JAZF1: variants seen among roughly 807,000 people sequenced by gnomAD.
JAZF1 encodes JAZF zinc finger 1.
JAZF1 carries 8 observed loss-of-function variants against 26.4 expected under a neutral mutation model. That is an observed-to-expected ratio of 0.30 (90% CI 0.18 to 0.55). JAZF1 has a LOEUF of 0.55. Among genes scored for constraint, JAZF1 ranks in the 20% least tolerant of loss-of-function variants. The pLI, the probability that JAZF1 is intolerant of heterozygous loss-of-function variation, is 0.94. For missense variants in JAZF1, 199 were observed against 322.0 expected (o/e 0.62, Z 2.92); for synonymous variants, 126 against 122.3 (o/e 1.03, Z -0.20).
rs570558560 is a variant in JAZF1 at position 27,993,804 on chromosome 7, G to A, written c.116-1823C>T. ...CAAGTTTAGGTACTGACGATCAAAG[G>A]GCTTTGCTTTTGAGACTCAAAGAGA... On this transcript the variant is annotated intron_variant, in intron 1 of 4. Transcript: ENST00000283928. Among the ~76,000 whole-genome samples the A allele has an allele frequency of 1.6e-3, 243 of 152,250 alleles. 1 individual carries two copies. The highest frequency in any genetic ancestry group is 5.4e-3 in the African/African-American group (226 of 41,550).
chr7:27,962,385 T>A (rs2128357489), intron 2 of JAZF1, among the ~76,000 whole-genome samples: 1 of 152,300 alleles, frequency 6.6e-6, no homozygotes, highest in East Asian at 1.9e-4. Context: ...GCCTCACAGT[T>A]CATATGCATC....
At chr7:28,000,792 T>C (rs1028570991) in intron 1 of JAZF1, among the ~76,000 whole-genome samples, 1 of 151,928 alleles carries the variant, frequency 6.6e-6, no homozygotes, top group African/African-American at 2.4e-5. Flanking sequence ...CTAATTTTTG[T>C]GTTTTTAGTA....
intron 3 of JAZF1, among the ~76,000 whole-genome samples, chr7:27,867,053 C>T (rs1362031183): frequency 6.6e-6 from 1 of 152,186 alleles, no homozygotes; most frequent in East Asian, 1.9e-4. Context: ...TGTGTCTGCA[C>T]TGCGGCAGCC....
At chr7:27,964,675 C>T (rs1406766845) in intron 2 of JAZF1, among the ~76,000 whole-genome samples, 5 of 150,502 alleles carry the variant, frequency 3.3e-5, no homozygotes, top group African/African-American at 9.8e-5. Context: ...CAGTATATTA[C>T]GTTTTTAAAA....
At chr7:27,911,761 G>C (rs1784363396) in intron 2 of JAZF1, among the ~76,000 whole-genome samples, 1 of 152,096 alleles carries the variant, frequency 6.6e-6, no homozygotes, top group Non-Finnish European at 1.5e-5. Flanking sequence ...CTAGATTTGG[G>C]AGTCATCCAC....
chr7:27,876,864 C>T (rs1783688726), intron 3 of JAZF1, among the ~76,000 whole-genome samples: 1 of 152,178 alleles, frequency 6.6e-6, no homozygotes, highest in Admixed American at 6.5e-5. Flanking sequence ...TGGGTTTCCA[C>T]AATGAGCGCT....
chr7:28,167,562 G>A (rs1010813213), intron 1 of JAZF1, among the ~76,000 whole-genome samples: 3 of 152,148 alleles, frequency 2.0e-5, no homozygotes, highest in Non-Finnish European at 4.4e-5. Context: ...AATTTTCATC[G>A]ACAGAATTAG....
intron 1 of JAZF1, among the ~76,000 whole-genome samples, chr7:28,087,896 T>A (rs1004069255): frequency 2.6e-5 from 4 of 152,234 alleles, no homozygotes; most frequent in African/African-American, 9.6e-5. Context: ...TATTCTTGTA[T>A]ATTTTCTTTC....
At chr7:27,911,485 G>T (rs1583460097) in intron 2 of JAZF1, among the ~76,000 whole-genome samples, 1 of 152,150 alleles carries the variant, frequency 6.6e-6, no homozygotes, top group Non-Finnish European at 1.5e-5. Flanking sequence ...GTTCAATACA[G>T]TAGCCATTAG....
intron 3 of JAZF1, among the ~76,000 whole-genome samples, chr7:27,872,934 A>G (rs1783611161): frequency 6.6e-6 from 1 of 152,204 alleles, no homozygotes; most frequent in South Asian, 2.1e-4. Flanking sequence ...GCTATGAACC[A>G]GTAGTCAATA....
At position 28,118,599 on chromosome 7, in the gene JAZF1, G is replaced by A. The variant is rs1445940299; in HGVS notation, c.115+61864C>T. On this transcript the variant is annotated intron_variant, in intron 1 of 4. Coordinates refer to ENST00000283928, the MANE Select transcript of JAZF1 (RefSeq NM_175061.4). ...ACTGGAATTTTTAAAGTAAAAATGT[G>A]AAAGCTACAGTATTCTATGGCAAAT... Among the ~76,000 whole-genome samples, 3 of 152,158 alleles carry A rather than the reference G, an allele frequency of 2.0e-5. No homozygotes were observed. In the East Asian group the frequency reaches 5.8e-4, roughly 29 times the overall value.
chr7:28,138,988 G>C (rs1583580896), intron 1 of JAZF1, among the ~76,000 whole-genome samples: 1 of 140,310 alleles, frequency 7.1e-6, no homozygotes, highest in East Asian at 1.9e-4. Context: ...AATTAATTAG[G>C]TCAAGGTAGA....
At chr7:27,992,321 C>G (rs1265437235) in intron 1 of JAZF1, 19 of 429,028 alleles carry the variant, frequency 4.4e-5, no homozygotes, top group South Asian at 3.5e-4. Context: ...GAAAGAAAGT[C>G]TCTGTTAATT....
At chr7:28,031,390 G>A (rs1344981356) in intron 1 of JAZF1, among the ~76,000 whole-genome samples, 1 of 152,104 alleles carries the variant, frequency 6.6e-6, no homozygotes, top group Non-Finnish European at 1.5e-5. Flanking sequence ...TTGAGTGGAC[G>A]ATGGGGAGAA....
At chr7:28,101,107 T>A (rs1405066512) in intron 1 of JAZF1, among the ~76,000 whole-genome samples, 21 of 152,234 alleles carry the variant, frequency 1.4e-4, no homozygotes, top group Admixed American at 1.4e-3. Context: ...CTTAATGACA[T>A]AAGCATTCCT....
chr7:28,057,734 G>A (rs1783734953), intron 1 of JAZF1, among the ~76,000 whole-genome samples: 1 of 152,118 alleles, frequency 6.6e-6, no homozygotes, highest in Non-Finnish European at 1.5e-5. Context: ...GATTTAAAAT[G>A]TATTGGCCCC....
chr7:28,077,809 C>G (rs1784075128), intron 1 of JAZF1, among the ~76,000 whole-genome samples: 1 of 152,172 alleles, frequency 6.6e-6, no homozygotes, highest in Non-Finnish European at 1.5e-5. Flanking sequence ...ACTTAAAGAG[C>G]TGGAGCTCTG....
At chr7:27,968,810 G>A (rs983299382) in intron 2 of JAZF1, among the ~76,000 whole-genome samples, 1 of 151,890 alleles carries the variant, frequency 6.6e-6, no homozygotes, top group African/African-American at 2.4e-5. Flanking sequence ...TGAACATAAT[G>A]ATAAAATGGG....
intron 1 of JAZF1, among the ~76,000 whole-genome samples, chr7:28,058,732 T>A (rs1239499697): frequency 6.6e-6 from 1 of 152,256 alleles, no homozygotes; most frequent in African/African-American, 2.4e-5. Context: ...CTTTGTCCTG[T>A]GACTTACGTG....
Sources: allele counts gnomAD v4.1 joint callset (sites outside exome capture counted in the v4.1 genomes callset), GRCh38; gene constraint gnomAD v4.1.1; transcripts MANE v1.5; gene names NCBI Gene and HGNC (gene_info 2026-07-23, HGNC 2026-07-21).